Variants in ZFYVE21 observed in about 807,000 individuals in gnomAD.
ZFYVE21 encodes the protein zinc finger FYVE-type containing 21.
Under a neutral mutation model 29.5 loss-of-function variants are expected in ZFYVE21, and 21 were observed. The observed-to-expected ratio is 0.71, with a 90% confidence interval of 0.50 to 1.02. ZFYVE21 has a LOEUF of 1.02. Ranked by LOEUF, ZFYVE21 falls within the 50% of genes least tolerant of loss-of-function variation. The pLI is 0.00. For synonymous variants in ZFYVE21, 151 were observed against 133.8 expected (o/e 1.13, Z -0.89); for missense variants, 326 against 335.4 (o/e 0.97, Z 0.22).
rs1219238163 is a variant in ZFYVE21 at position 103,716,134 on chromosome 14, C to T, written c.138+155C>T. Among the ~76,000 whole-genome samples, 2 of 151,456 alleles carry T rather than the reference C, an allele frequency of 1.3e-5. No individual in the cohort carries two copies. Among genetic ancestry groups the T allele is most frequent in the African/African-American group, 2.4e-5 (1 of 41,350 alleles). On this transcript the variant is annotated intron_variant, in intron 1 of 6. Coordinates refer to ENST00000311141, the MANE Select transcript of ZFYVE21 (RefSeq NM_024071.4). This position sits in a 1 kb window ranked among gnomAD's most constrained non-coding sequence, Gnocchi z 4.8. ...CCGCTCTCTCCCAGGTTGGCCGCGT[C>T]CCCGGGCCGCCGCCTCAGGCTCCTA...
chr14:103,723,849 T>C (rs1385947824), intron 1 of ZFYVE21, among the ~76,000 whole-genome samples: 3 of 152,218 alleles, frequency 2.0e-5, no homozygotes, highest in Non-Finnish European at 4.4e-5. Context: ...GCAGGCTTCC[T>C]GTGCTGCCTG....
At position 103,726,948 on chromosome 14, in the gene ZFYVE21, G is replaced by GTTTTTTTTTTTTGT. The variant is rs1555430537; in HGVS notation, c.189+118_189+119insGTTTTTTTTTTTTT. 571 of 660,918 alleles carry GTTTTTTTTTTTTGT rather than the reference G, an allele frequency of 8.6e-4. 3 individuals are homozygous for GTTTTTTTTTTTTGT. Among genetic ancestry groups the GTTTTTTTTTTTTGT allele is most frequent in the African/African-American group, 5.2e-3 (128 of 24,528 alleles). 40.9% of individuals were successfully genotyped at this position (660,918 alleles called of 1,614,324 possible). A position where few individuals can be genotyped will look rare whatever the true frequency, so the allele number is the denominator to read the frequency against. The stretch of plus-strand genomic sequence containing the variant: ...GGGGACGGATGTCATCTTATGGCTC[G>GTTTTTTTTTTTTGT]TTTTTTTTTTTTTTGAGACGGAGTT... On this transcript the variant is annotated intron_variant, in intron 2 of 6. Transcript: ENST00000311141.
intron 1 of ZFYVE21, among the ~76,000 whole-genome samples, chr14:103,722,743 C>T (rs1003220380): frequency 3.3e-5 from 5 of 151,106 alleles, no homozygotes; most frequent in East Asian, 2.0e-4. Flanking sequence ...GACGTGAACC[C>T]GGGAGGCGGA....
chr14:103,726,962 T>G (rs1333874946), intron 2 of ZFYVE21, 120 bp downstream of exon 2: 4 of 1,090,512 alleles, frequency 3.7e-6, no homozygotes, highest in Non-Finnish European at 5.3e-6. Flanking sequence ...TTTTTTTTTT[T>G]GAGACGGAGT....
At chr14:103,727,468 C>T (rs1567070881) in intron 2 of ZFYVE21, 3 of 544,110 alleles carry the variant, frequency 5.5e-6, no homozygotes, top group Non-Finnish European at 7.0e-6. Context: ...GGCGCGAGGG[C>T]GTCCTAAGCA....
At chr14:103,727,977 G>A in intron 3 of ZFYVE21, 63 bp downstream of exon 3, 2 of 1,529,372 alleles carry the variant, frequency 1.3e-6, no homozygotes, top group African/African-American at 1.4e-5. Flanking sequence ...TGTCTGTGGC[G>A]ATGCTGTGGG....
Position 103,730,214 on chromosome 14 carries a change from A to C in ZFYVE21, c.526+1032A>C, listed in dbSNP as rs1016344518. 1.2e-5 allele frequency: 3 copies of C among 253,952 alleles called. No homozygotes were observed. In the Admixed American group the frequency reaches 1.6e-4, roughly 14 times the overall value. 15.7% of individuals were successfully genotyped at this position (253,952 alleles called of 1,614,324 possible). A position where few individuals can be genotyped will look rare whatever the true frequency, so the allele number is the denominator to read the frequency against. ...CCCGAGGCCTGCTGCTCCCCAGCTC[A>C]GTGTGGCCTCCTGGGACCCCTGACT... On this transcript the variant is annotated intron_variant, in intron 5 of 6. Transcript: ENST00000311141.
chr14:103,720,191 A>G (rs2083861383), intron 1 of ZFYVE21, among the ~76,000 whole-genome samples: 1 of 152,202 alleles, frequency 6.6e-6, no homozygotes, highest in African/African-American at 2.4e-5. Context: ...CACGGCCTGT[A>G]TCCATGTCTG....
intron 1 of ZFYVE21, among the ~76,000 whole-genome samples, chr14:103,717,564 T>C (rs753605234): frequency 2.0e-5 from 3 of 152,268 alleles, no homozygotes; most frequent in East Asian, 3.8e-4. Context: ...TTAGCATTTT[T>C]CCCTGCCTTT....
intron 5 of ZFYVE21, chr14:103,730,600 G>A (rs1048587049): frequency 2.6e-5 from 4 of 152,652 alleles, no homozygotes; most frequent in African/African-American, 9.6e-5. Flanking sequence ...TGGTGGCTTG[G>A]GGGGTGCAGT....
chr14:103,727,908 C>T lies in ZFYVE21; in HGVS notation c.352C>T (p.Leu118=). The T allele has an allele frequency of 2.5e-6, 4 of 1,611,648 alleles. No homozygotes were observed. The highest frequency in any genetic ancestry group is 3.4e-6 in the Non-Finnish European group (4 of 1,178,832). Residue 118 remains leucine (L), a synonymous_variant, in exon 3 of 7, where the codon CTG becomes TTG. Transcript: ENST00000311141. ...EFYDKQLKVL[L]SGATFLVTFG... ...CTACGACAAGCAGCTCAAAGTGCTC[C>T]TGAGCGGTAAGGACGGGTGTCCTGC...
chr14:103,724,867 G>A (rs902268683), intron 1 of ZFYVE21: 8 of 152,260 alleles, frequency 5.3e-5, no homozygotes, highest in Admixed American at 3.3e-4. Context: ...CCCAGAGCAC[G>A]AGGGTCTTGT....
rs922608167 is a variant in ZFYVE21, at chr14:103,733,497, C to A, written c.*479C>A. 6.4e-6 allele frequency: 1 copy of A among 155,706 alleles called. No homozygotes were observed. Among genetic ancestry groups the A allele is most frequent in the African/African-American group, 2.4e-5 (1 of 41,474 alleles). 9.6% of individuals were successfully genotyped at this position (155,706 alleles called of 1,614,324 possible). On this transcript the variant is annotated 3_prime_UTR_variant, in exon 7 of 7. Coordinates refer to ENST00000311141, the MANE Select transcript of ZFYVE21 (RefSeq NM_024071.4). ...CTGTTTCACAGACTTGTCCACTTAC[C>A]TTGTCACTAATTTGGGGCTTCTGGG...
chr14:103,725,510 C>A (rs1410455979), intron 1 of ZFYVE21: 1 of 152,310 alleles, frequency 6.6e-6, no homozygotes, highest in African/African-American at 2.4e-5. Context: ...GTCTCTGCAG[C>A]CCTCGGGAGC....
intron 5 of ZFYVE21, 136 bp downstream of exon 5, chr14:103,729,318 T>C (rs2083954962): frequency 8.3e-6 from 7 of 841,030 alleles, no homozygotes; most frequent in Non-Finnish European, 1.3e-5. Flanking sequence ...CAATCTGCCT[T>C]TCCTCTTTCG....
chr14:103,733,115 T>G lies in ZFYVE21; in HGVS notation c.*97T>G. On this transcript the variant is annotated 3_prime_UTR_variant, in exon 7 of 7. Transcript: ENST00000311141. ...CCTTGCGTACCACAGGGATTAATCC[T>G]GCTTGTGCTGGGAAATGCAACTCAC... 1 of 1,522,518 alleles carries G rather than the reference T, an allele frequency of 6.6e-7. No homozygotes were observed. The highest frequency in any genetic ancestry group is 2.3e-5 in the East Asian group (1 of 44,000). The allele number at this position is 1,522,518 out of a possible 1,614,324, so 94.3% of individuals were successfully genotyped here. A position where few individuals can be genotyped will look rare whatever the true frequency, so the allele number is the denominator to read the frequency against.
intron 1 of ZFYVE21, chr14:103,725,880 G>C (rs1383274613): frequency 1.3e-5 from 2 of 152,412 alleles, no homozygotes; most frequent in East Asian, 3.9e-4. Flanking sequence ...CAGGCCTGCT[G>C]TGACCCCTTG....
chr14:103,724,039 G>A (rs963879200), intron 1 of ZFYVE21, among the ~76,000 whole-genome samples: 1 of 152,218 alleles, frequency 6.6e-6, no homozygotes, highest in East Asian at 1.9e-4. Context: ...CCAGAGAAGG[G>A]GTGCAGGGCA....
intron 1 of ZFYVE21, 173 bp from the exon 2 acceptor site, chr14:103,726,619 G>A (rs561352795): frequency 4.6e-5 from 36 of 783,534 alleles, no homozygotes; most frequent in Non-Finnish European, 6.8e-5. Flanking sequence ...TGGCTCTGGA[G>A]CCTGGGCACA....
Sources: gnomAD v4.1 joint callset for allele counts (sites outside exome capture counted in the v4.1 genomes callset) on GRCh38, gnomAD v4.1.1 for gene constraint, Gnocchi (gnomAD v3.1) non-coding constraint, MANE v1.5 for transcripts, NCBI Gene and HGNC (gene_info 2026-07-23, HGNC 2026-07-21) for gene names.